Variants in TBC1D8 observed in about 807,000 individuals in gnomAD.
The protein encoded by TBC1D8 is BUB2-like protein 1.
Under a neutral mutation model 118.8 loss-of-function variants are expected in TBC1D8, and 65 were observed. The observed-to-expected ratio is 0.55, with a 90% CI of 0.45 to 0.67. The LOEUF (loss-of-function observed/expected upper bound fraction) is 0.67. TBC1D8 is among the 30% of genes least tolerant of loss of function. The probability of loss-of-function intolerance (pLI) is 0.00; values close to 1 mark genes in which losing one functional copy is unlikely to be tolerated. For missense variants in TBC1D8, 1,376 were observed against 1,471.2 expected (o/e 0.94, Z 1.06); for synonymous variants, 566 against 595.8 (o/e 0.95, Z 0.73).
At chr2:101,083,157 C>T (rs924212724) in intron 2 of TBC1D8, among the ~76,000 whole-genome samples, 7 of 152,038 alleles carry the variant, frequency 4.6e-5, no homozygotes, top group Non-Finnish European at 1.5e-5. Flanking sequence ...CTGAGACTCC[C>T]CTCCTTCTCT....
intron 1 of TBC1D8, among the ~76,000 whole-genome samples, chr2:101,137,413 C>T (rs918930029): frequency 1.3e-5 from 2 of 151,746 alleles, no homozygotes; most frequent in African/African-American, 2.4e-5. Context: ...CCCGGGTTCA[C>T]GCCATTCTCC....
At chr2:101,036,946 C>T (rs1355994256) in intron 8 of TBC1D8, among the ~76,000 whole-genome samples, 5 of 152,168 alleles carry the variant, frequency 3.3e-5, no homozygotes, top group Non-Finnish European at 5.9e-5. Context: ...GCCATTAAAG[C>T]GACCAAAAAT....
chr2:101,079,772 G>A (rs1050828837), intron 2 of TBC1D8, among the ~76,000 whole-genome samples: 22 of 128,694 alleles, frequency 1.7e-4, no homozygotes, highest in Non-Finnish European at 2.6e-4. Context: ...TACAAGCTCC[G>A]CCTCCCGGGT....
At chr2:101,009,458 A>T (rs1484204080) in intron 19 of TBC1D8, among the ~76,000 whole-genome samples, 1 of 151,756 alleles carries the variant, frequency 6.6e-6, no homozygotes, top group Non-Finnish European at 1.5e-5. Flanking sequence ...ACAAATATTT[A>T]TTTGGGGGAA....
rs1476872920 is a variant in TBC1D8, at chr2:101,011,614, A to G, written c.2828-74T>C. 2.7e-6 allele frequency: 4 copies of G among 1,485,814 alleles called. No individual in the cohort carries two copies. The African/African-American group carries it at 5.5e-5, about 20-fold the overall frequency. The allele number at this position is 1,485,814 out of a possible 1,614,324, so 92.0% of individuals were successfully genotyped here. ...AAAACTGACAGTAATGTAGCTTTCT[A>G]GGCAACTAAAGGCTAAGCCAGCAGC... On this transcript the variant is annotated intron_variant, in intron 17 of 19. Coordinates refer to ENST00000409318, the MANE Select transcript of TBC1D8 (RefSeq NM_001330348.2).
At chr2:101,062,152 C>T (rs1406846850) in intron 2 of TBC1D8, among the ~76,000 whole-genome samples, 1 of 152,228 alleles carries the variant, frequency 6.6e-6, no homozygotes, top group East Asian at 1.9e-4. Flanking sequence ...CTCTCTATCA[C>T]ATCACTAAGT....
At chr2:101,017,074 T>TAA (rs376317331) in intron 17 of TBC1D8, among the ~76,000 whole-genome samples, 94 of 133,024 alleles carry the variant, frequency 7.1e-4, no homozygotes, top group African/African-American at 2.2e-3. Context: ...TTAAAAGTAT[T>TAA]AAAAAAAAAA....
At chr2:101,020,247 GATAAA>G (rs1454186383) in intron 17 of TBC1D8, among the ~76,000 whole-genome samples, 12 of 151,756 alleles carry the variant, frequency 7.9e-5, no homozygotes, top group African/African-American at 2.9e-4. Flanking sequence ...TTAAAACCAA[GATAAA>G]ATAATAGAGT....
intron 1 of TBC1D8, among the ~76,000 whole-genome samples, chr2:101,113,945 G>A (rs1366508926): frequency 2.0e-5 from 3 of 152,190 alleles, no homozygotes; most frequent in Admixed American, 6.5e-5. Flanking sequence ...TGCATTTCAA[G>A]ACAGCAACTC....
rs187654579 is a variant in TBC1D8, at chr2:101,143,321, A to T, written c.127+7806T>A. 4.2e-3 allele frequency among the ~76,000 whole-genome samples: 634 copies of T among 152,218 alleles called. 5 individuals carry two copies. The highest frequency in any genetic ancestry group is 0.015 in the African/African-American group (605 of 41,526). Reference sequence around the variant, plus strand: ...CGTGATCTGCCCACCTCGGCCTCCGAAAGTGCTGGGATTACAGACATGAGC... The same window carrying T: ...CGTGATCTGCCCACCTCGGCCTCCGTAAGTGCTGGGATTACAGACATGAGC... On this transcript the variant is annotated intron_variant, in intron 1 of 19. Coordinates refer to ENST00000409318, the MANE Select transcript of TBC1D8 (RefSeq NM_001330348.2).
At chr2:101,092,463 C>A (rs1455158907) in intron 1 of TBC1D8, among the ~76,000 whole-genome samples, 1 of 152,182 alleles carries the variant, frequency 6.6e-6, no homozygotes, top group Non-Finnish European at 1.5e-5. Context: ...AACGAGTATT[C>A]TGTGGAGAAG....
intron 11 of TBC1D8, among the ~76,000 whole-genome samples, chr2:101,031,435 T>C (rs1437731227): frequency 1.3e-5 from 2 of 152,148 alleles, no homozygotes; most frequent in African/African-American, 4.8e-5. Flanking sequence ...TCTTCCCGCC[T>C]TGCTCCTATA....
chr2:101,117,872 G>GC (rs1425352805), intron 1 of TBC1D8, among the ~76,000 whole-genome samples: 6 of 126,368 alleles, frequency 4.7e-5, no homozygotes, highest in Non-Finnish European at 9.9e-5. Flanking sequence ...ACCGCACCCG[G>GC]CCTTTTTTTT....
intron 5 of TBC1D8, among the ~76,000 whole-genome samples, chr2:101,041,254 TATG>T (rs1681368108): frequency 6.6e-6 from 1 of 152,372 alleles, no homozygotes; most frequent in Non-Finnish European, 1.5e-5. Context: ...CAGCATCATT[TATG>T]ATAACTTAAA....
intron 1 of TBC1D8, among the ~76,000 whole-genome samples, chr2:101,124,705 C>T (rs907042017): frequency 6.6e-6 from 1 of 152,178 alleles, no homozygotes. Flanking sequence ...CCCCAACTTG[C>T]TTAGGGACAT....
At chr2:101,054,382 G>A in intron 3 of TBC1D8, 46 bp from the exon 4 acceptor site, 1 of 1,541,812 alleles carries the variant, frequency 6.5e-7, no homozygotes, top group Non-Finnish European at 8.8e-7. Flanking sequence ...CCAGCAATGG[G>A]AAGGCAGGGG....
In TBC1D8 at chr2:101,008,024, G is replaced by A; in HGVS notation, c.3265C>T (p.Pro1089Ser). Reference protein sequence around the residue: ...GKTPQDSQAFPEAAERDWTVS... With the variant: ...GKTPQDSQAFSEAAERDWTVS... ...GTCCAGTCCCTTTCTGCCGCCTCTG[G>A]AAATGCCTGGGAGTCCTGGGGCGTC... The change falls in exon 20 of 20, where the codon CCA becomes TCA. Residue 1089 changes from proline to serine, a missense_variant. Transcript: ENST00000409318. 6.2e-7 allele frequency: 1 copy of A among 1,613,990 alleles called. No homozygotes were observed. Among genetic ancestry groups the A allele is most frequent in the Non-Finnish European group, 8.5e-7 (1 of 1,179,900 alleles).
At chr2:101,047,381 G>A (rs922658984) in intron 5 of TBC1D8, among the ~76,000 whole-genome samples, 1 of 152,200 alleles carries the variant, frequency 6.6e-6, no homozygotes, top group Admixed American at 6.5e-5. Flanking sequence ...TGACCCCAAG[G>A]GCACCTTTCT....
At chr2:101,109,731 C>A in intron 1 of TBC1D8, 1 of 933,032 alleles carries the variant, frequency 1.1e-6, no homozygotes, top group South Asian at 4.9e-5. Flanking sequence ...TGATGCCGGG[C>A]CTCCCCAGCC....
Sources: allele counts gnomAD v4.1 joint callset (sites outside exome capture counted in the v4.1 genomes callset), GRCh38; gene constraint gnomAD v4.1.1; transcripts MANE v1.5; gene names NCBI Gene and HGNC (gene_info 2026-07-23, HGNC 2026-07-21).